Variants in PACS2 observed in about 807,000 individuals in gnomAD.
The protein encoded by PACS2 is PACS1-like protein.
In PACS2, 36 loss-of-function variants were observed where a neutral mutation model predicts 113.0. The observed-to-expected ratio is 0.32, with a 90% CI of 0.24 to 0.42. The LOEUF (loss-of-function observed/expected upper bound fraction) is 0.42. Among genes scored for constraint, PACS2 ranks in the 10% least tolerant of loss-of-function variants. The pLI is 1.00. For synonymous variants in PACS2, 589 were observed against 536.1 expected, an observed-to-expected ratio of 1.10 and a Z score of -1.36; for missense variants, 1,015 against 1,239.5, an observed-to-expected ratio of 0.82 and a Z score of 2.72.
chr14:105,367,363 G>A lies in PACS2; in HGVS notation c.574G>A (p.Ala192Thr), dbSNP rs1555408209. 1 of 1,613,132 alleles carries A rather than the reference G, an allele frequency of 6.2e-7. No individual in the cohort carries two copies. Among genetic ancestry groups the A allele is most frequent in the African/African-American group, 1.3e-5 (1 of 74,944 alleles). The change falls in exon 5 of 25, where the codon GCC becomes ACC. Residue 192 changes from alanine (A) to threonine (T), a missense_variant. By Grantham distance (58) the Ala-to-Thr change is moderately conservative. This residue lies in a region of PACS2 where 859 missense variants were observed against 1,056.8 expected (regional missense o/e 0.81). Transcript: ENST00000447393. ...EDSTMQAGPK[A>T]KSTDNYSEEE... ...CAGCACCATGCAGGCCGGCCCCAAG[G>A]CCAAGTCCACGGGTGAGTGTGGTGC...
At chr14:105,391,838 C>T in intron 22 of PACS2, 72 bp downstream of exon 22, 4 of 1,426,674 alleles carry the variant, frequency 2.8e-6, no homozygotes, top group Non-Finnish European at 3.8e-6. Context: ...CAGTCATCCT[C>T]CCCTATGTCA....
chr14:105,384,274 GC>G (rs2081095023), intron 16 of PACS2, 78 bp from the exon 17 acceptor site: 1 of 817,966 alleles, frequency 1.2e-6, no homozygotes, highest in South Asian at 1.5e-5. Context: ...GGGTCGGGTG[GC>G]CCAGCTTTTG....
At chr14:105,310,930 G>A (rs1338547753), upstream of PACS2, among the ~76,000 whole-genome samples, 1 of 152,148 alleles carries the variant, frequency 6.6e-6, no homozygotes, top group Non-Finnish European at 1.5e-5. Context: ...AATACATACT[G>A]CACATGGACA....
intron 1 of PACS2, among the ~76,000 whole-genome samples, chr14:105,322,665 T>C (rs2058943931): frequency 6.6e-6 from 1 of 152,190 alleles, no homozygotes; most frequent in African/African-American, 2.4e-5. Flanking sequence ...AACCCTTTCA[T>C]GTTTATATTT....
chr14:105,369,240 G>C (rs1181100576), intron 7 of PACS2, among the ~76,000 whole-genome samples: 4 of 152,250 alleles, frequency 2.6e-5, no homozygotes, highest in Non-Finnish European at 4.4e-5. Flanking sequence ...GCTGTGTCTT[G>C]CTGGCCTGGA....
chr14:105,315,085 G>C lies in PACS2; in HGVS notation c.119+48G>C. The C allele has an allele frequency of 1.0e-5, 11 of 1,068,730 alleles. No individual in the cohort carries two copies. Among genetic ancestry groups the C allele is most frequent in the Non-Finnish European group, 1.3e-5 (11 of 877,022 alleles). The allele number at this position is 1,068,730 out of a possible 1,614,324, so 66.2% of individuals were successfully genotyped here. On this transcript the variant is annotated intron_variant, in intron 1 of 24. Coordinates refer to ENST00000447393, the MANE Select transcript of PACS2 (RefSeq NM_001100913.3). This position sits in a 1 kb window ranked among gnomAD's most constrained non-coding sequence, Gnocchi z 4.4. The stretch of plus-strand genomic sequence containing the variant: ...TGTTCCCGCCGGGCACCTGCTGGGG[G>C]TGTCCTGGCCGCGGCCTCTGCGCGC...
intron 1 of PACS2, among the ~76,000 whole-genome samples, chr14:105,337,242 G>A (rs587601075): frequency 3.9e-5 from 6 of 152,314 alleles, no homozygotes; most frequent in Admixed American, 1.3e-4. Context: ...TCATAGGGAC[G>A]GAGGTAGGAT....
intron 8 of PACS2, chr14:105,372,216 C>A (rs1357873922): frequency 6.6e-6 from 1 of 152,268 alleles, no homozygotes; most frequent in Non-Finnish European, 1.5e-5. Flanking sequence ...AGAGTGAAGT[C>A]TGTTCCTTAC....
rs782204977 is a variant in PACS2, at chr14:105,367,316, G to A, written c.527G>A (p.Ser176Asn). Reference protein sequence around the residue: ...AAEIWIASLSSQPIDHEDSTM... With the variant: ...AAEIWIASLSNQPIDHEDSTM... ...GAGATCTGGATCGCCTCCCTGTCCAGCCAGCCCATTGACCACGAAGACAGC... is the reference window on the plus strand; with the variant it reads ...GAGATCTGGATCGCCTCCCTGTCCAACCAGCCCATTGACCACGAAGACAGC... Residue 176 changes from serine to asparagine, a missense_variant, in exon 5 of 25, where the codon AGC (serine) becomes AAC (asparagine). Physicochemically the swap from Ser to Asn is conservative, Grantham distance 46. This residue lies in a region of PACS2 where 859 missense variants were observed against 1,056.8 expected (regional missense o/e 0.81). Transcript: ENST00000447393. The A allele has an allele frequency of 1.2e-6, 2 of 1,613,394 alleles. No homozygotes were observed. The highest frequency in any genetic ancestry group is 1.3e-5 in the African/African-American group (1 of 75,060).
chr14:105,383,622 C>A, intron 16 of PACS2, 109 bp downstream of exon 16: 1 of 1,082,752 alleles, frequency 9.2e-7, no homozygotes, highest in Non-Finnish European at 1.3e-6. Flanking sequence ...TGGCGTGGCG[C>A]GGTGTGTCGT....
intron 1 of PACS2, among the ~76,000 whole-genome samples, chr14:105,318,628 T>C (rs1320022725): frequency 6.6e-6 from 1 of 150,940 alleles, no homozygotes; most frequent in African/African-American, 2.4e-5. Context: ...TTTTGTATTT[T>C]TATTTTATTT....
chr14:105,318,548 GT>G (rs1670414880), intron 1 of PACS2, among the ~76,000 whole-genome samples: 1 of 152,084 alleles, frequency 6.6e-6, no homozygotes, highest in African/African-American at 2.4e-5. Flanking sequence ...CCGCCTCCCT[GT>G]TTCGATTTTC....
chr14:105,338,059 G>A (rs587757492), intron 1 of PACS2, among the ~76,000 whole-genome samples: 40 of 152,272 alleles, frequency 2.6e-4, no homozygotes, highest in South Asian at 2.5e-3. Context: ...GTCCTGCCCC[G>A]CCCCCATCTG....
At chr14:105,331,894 TCA>T (rs2059316771) in intron 1 of PACS2, among the ~76,000 whole-genome samples, 1 of 152,262 alleles carries the variant, frequency 6.6e-6, no homozygotes, top group Non-Finnish European at 1.5e-5. Context: ...TACTTGGTGA[TCA>T]CAGAGTTCTT....
At chr14:105,350,173 G>C (rs1278025731) in intron 2 of PACS2, among the ~76,000 whole-genome samples, 1 of 152,174 alleles carries the variant, frequency 6.6e-6, no homozygotes, top group Non-Finnish European at 1.5e-5. Context: ...GTCGTCCCTG[G>C]GGAACAGGGA....
At chr14:105,373,708 A>G (rs965739926) in intron 8 of PACS2, among the ~76,000 whole-genome samples, 1 of 152,020 alleles carries the variant, frequency 6.6e-6, no homozygotes, top group Non-Finnish European at 1.5e-5. Context: ...GAATCACCTG[A>G]GCCCAGGAGG....
chr14:105,377,519 G>A (rs2080828140), intron 9 of PACS2, among the ~76,000 whole-genome samples: 1 of 152,204 alleles, frequency 6.6e-6, no homozygotes. Flanking sequence ...CAGAAGGCAG[G>A]TGCCAGCCTC....
Position 105,324,403 on chromosome 14 carries a change from G to C in PACS2, c.119+9366G>C, listed in dbSNP as rs147849263. Among the ~76,000 whole-genome samples, 2 of 152,156 alleles carry C rather than the reference G, an allele frequency of 1.3e-5. No individual in the cohort carries two copies. The highest frequency in any genetic ancestry group is 4.8e-5 in the African/African-American group (2 of 41,446). ...CCAGGACCAGGGGGCAGGGTGTGGC[G>C]TGCTTATTCCTGCCTGGCCGTGGAG... On this transcript the variant is annotated intron_variant, in intron 1 of 24. Coordinates refer to ENST00000447393, the MANE Select transcript of PACS2 (RefSeq NM_001100913.3). This position sits in a 1 kb window ranked among gnomAD's most constrained non-coding sequence, Gnocchi z 4.7.
rs946154775 is a variant in PACS2, at chr14:105,330,919, G to T, written c.119+15882G>T. On this transcript the variant is annotated intron_variant, in intron 1 of 24. Coordinates refer to ENST00000447393, the MANE Select transcript of PACS2 (RefSeq NM_001100913.3). This position sits in a 1 kb window ranked among gnomAD's most constrained non-coding sequence, Gnocchi z 6.9. The stretch of plus-strand genomic sequence containing the variant: ...CAACCTTCTGGGTCCTTGGGGCCTA[G>T]CCTTGCTCTGGTGAACGGCTTTGTT... Among the ~76,000 whole-genome samples the T allele has an allele frequency of 5.9e-5, 9 of 152,170 alleles. No homozygotes were observed. Among genetic ancestry groups the T allele is most frequent in the South Asian group, 2.1e-4 (1 of 4,822 alleles).
Sources: gnomAD v4.1 joint callset for allele counts (sites outside exome capture counted in the v4.1 genomes callset) on GRCh38, gnomAD v4.1.1 for gene constraint, gnomAD v4.1.1 regional missense constraint, Gnocchi (gnomAD v3.1) non-coding constraint, MANE v1.5 for transcripts, NCBI Gene and HGNC (gene_info 2026-07-23, HGNC 2026-07-21) for gene names.